Variants in AGAP1 observed in about 807,000 individuals in gnomAD.
The protein encoded by AGAP1 is ArfGAP with GTPase domain, ankyrin repeat and PH domain 1.
In AGAP1, 29 loss-of-function variants were observed where a neutral mutation model predicts 105.3. The ratio of observed to expected loss-of-function variants is 0.28; its 90% CI spans 0.21 to 0.38. The LOEUF (loss-of-function observed/expected upper bound fraction) is 0.38. Among genes scored for constraint, AGAP1 ranks in the 10% least tolerant of loss-of-function variants. The pLI is 1.00. For missense variants in AGAP1, 998 were observed against 1,165.1 expected (o/e 0.86, Z 2.09); for synonymous variants, 509 against 485.9 (o/e 1.05, Z -0.63).
In AGAP1 at chr2:235,740,732, C is replaced by T. The variant is rs1346545527; in HGVS notation, c.311-231C>T. ...AATTGGCCACGAGTGTCTGGCATTG[C>T]GAAGGAAGCTGTGCCTTCCAACTGG... On this transcript the variant is annotated intron_variant, in intron 3 of 17. Coordinates refer to ENST00000304032, the MANE Select transcript of AGAP1 (RefSeq NM_001037131.3). The surrounding 1 kb of genome is among the most constrained non-coding windows in gnomAD (Gnocchi z 5.7). Among the ~76,000 whole-genome samples, 2 of 152,238 alleles carry T rather than the reference C, an allele frequency of 1.3e-5. No individual in the cohort carries two copies. The highest frequency in any genetic ancestry group is 6.5e-5 in the Admixed American group (1 of 15,290).
At chr2:235,707,399 C>T (rs575903749) in intron 1 of AGAP1, among the ~76,000 whole-genome samples, 23 of 149,006 alleles carry the variant, frequency 1.5e-4, no homozygotes, top group South Asian at 1.3e-3. Context: ...TCTCACTCGG[C>T]ATCGGGAGAC....
rs146496658 is a variant in AGAP1, at chr2:235,577,683, C to G, written c.163+82834C>G. Among the ~76,000 whole-genome samples the G allele has an allele frequency of 6.6e-6, 1 of 152,056 alleles. No individual in the cohort carries two copies. Among genetic ancestry groups the G allele is most frequent in the South Asian group, 2.1e-4 (1 of 4,808 alleles). ...CATTCGGAACATTCGCCGAGTGGAA[C>G]GTGTGTGTCGTCATCCCCTCGAAGG... On this transcript the variant is annotated intron_variant, in intron 1 of 17. Coordinates refer to ENST00000304032, the MANE Select transcript of AGAP1 (RefSeq NM_001037131.3). The surrounding 1 kb of genome is among the most constrained non-coding windows in gnomAD (Gnocchi z 4.5).
Position 235,875,667 on chromosome 2 carries a change from C to T in AGAP1, c.1051-7678C>T, listed in dbSNP as rs886113511. On this transcript the variant is annotated intron_variant, in intron 9 of 17. Transcript: ENST00000304032. This position sits in a 1 kb window ranked among gnomAD's most constrained non-coding sequence, Gnocchi z 4.0. ...CGGGAGTGTGTGGTCTCCTGTTTCC[C>T]ATCTGCATTTGCTTATGGGGCGCCA... Among the ~76,000 whole-genome samples, 5 of 152,136 alleles carry T rather than the reference C, an allele frequency of 3.3e-5. No individual in the cohort carries two copies. The highest frequency in any genetic ancestry group is 1.3e-4 in the Admixed American group (2 of 15,278).
chr2:235,849,367 T>C (rs1285368711), intron 9 of AGAP1, among the ~76,000 whole-genome samples: 2 of 152,354 alleles, frequency 1.3e-5, no homozygotes, highest in African/African-American at 2.4e-5. Context: ...ACTGGTTTTT[T>C]TGTGAATGTC....
chr2:236,022,793 C>T (rs1194006508), intron 13 of AGAP1, among the ~76,000 whole-genome samples: 1 of 152,192 alleles, frequency 6.6e-6, no homozygotes, highest in Non-Finnish European at 1.5e-5. Flanking sequence ...CACCCCAGGC[C>T]TCTGAAACTG....
Position 235,792,635 on chromosome 2 carries a change from T to C in AGAP1, c.674-5124T>C, listed in dbSNP as rs567213701. ...GTGAAGACGAATTTCTGAGAAACTC[T>C]GGTGGTTGAACCAATCATCTGTTAG... is the stretch of plus-strand genomic sequence containing the variant. On this transcript the variant is annotated intron_variant, in intron 6 of 17. Transcript: ENST00000304032. This position sits in a 1 kb window ranked among gnomAD's most constrained non-coding sequence, Gnocchi z 5.3. Among the ~76,000 whole-genome samples, 7 of 152,332 alleles carry C rather than the reference T, an allele frequency of 4.6e-5. No homozygotes were observed. Among genetic ancestry groups the C allele is most frequent in the African/African-American group, 1.7e-4 (7 of 41,572 alleles).
intron 13 of AGAP1, among the ~76,000 whole-genome samples, chr2:236,023,703 A>G (rs903462403): frequency 6.6e-6 from 1 of 152,064 alleles, no homozygotes; most frequent in Admixed American, 6.6e-5. Flanking sequence ...TACAGCAAAC[A>G]TGCCCGTCCC....
chr2:235,497,278 G>T (rs1941358006), intron 1 of AGAP1, among the ~76,000 whole-genome samples: 1 of 152,190 alleles, frequency 6.6e-6, no homozygotes, highest in African/African-American at 2.4e-5. Flanking sequence ...TCTCCACACT[G>T]CATGTGGATG....
At chr2:235,772,132 T>G (rs1048013453) in intron 6 of AGAP1, among the ~76,000 whole-genome samples, 4 of 151,394 alleles carry the variant, frequency 2.6e-5, no homozygotes, top group Admixed American at 6.6e-5. Flanking sequence ...GTAGCTGAGA[T>G]TACATTAATT....
intron 1 of AGAP1, among the ~76,000 whole-genome samples, chr2:235,591,413 C>T (rs987852243): frequency 5.6e-4 from 85 of 152,242 alleles, no homozygotes; most frequent in African/African-American, 1.9e-3. Context: ...TGGTGTGAAA[C>T]GCAGTGGCCC....
chr2:235,738,821 G>A (rs981892489), intron 3 of AGAP1, among the ~76,000 whole-genome samples: 15 of 152,238 alleles, frequency 9.9e-5, no homozygotes, highest in Middle Eastern at 3.4e-3. Flanking sequence ...GCCTCCCAAA[G>A]TGTTGGGATT....
intron 1 of AGAP1, among the ~76,000 whole-genome samples, chr2:235,520,321 C>T (rs1436137322): frequency 6.6e-6 from 1 of 152,182 alleles, no homozygotes; most frequent in Non-Finnish European, 1.5e-5. Context: ...ATACTGTGTG[C>T]ACGTTGCAGT....
intron 16 of AGAP1, among the ~76,000 whole-genome samples, chr2:236,098,620 C>CTTTTTGTTTTTTTTTTTTT (rs1323650327): frequency 8.7e-6 from 1 of 115,256 alleles, no homozygotes; most frequent in African/African-American, 3.9e-5. Flanking sequence ...TCTTTTTTTC[C>CTTTTTGTTTTTTTTTTTTT]TTTTTTTTTT....
chr2:235,495,198 C>T (rs1941262983), intron 1 of AGAP1, among the ~76,000 whole-genome samples: 1 of 152,164 alleles, frequency 6.6e-6, no homozygotes, highest in African/African-American at 2.4e-5. Flanking sequence ...CCACCCGACC[C>T]CTGACAGGTT....
intron 3 of AGAP1, among the ~76,000 whole-genome samples, chr2:235,726,365 A>G (rs1951645573): frequency 6.6e-6 from 1 of 152,218 alleles, no homozygotes; most frequent in Admixed American, 6.5e-5. Flanking sequence ...ACCTCACGGC[A>G]TCAGATATTT....
chr2:235,949,554 C>G (rs896380391), intron 12 of AGAP1, among the ~76,000 whole-genome samples: 1 of 152,146 alleles, frequency 6.6e-6, no homozygotes, highest in Non-Finnish European at 1.5e-5. Context: ...TTAAATCCCT[C>G]GAACACCCAA....
intron 12 of AGAP1, among the ~76,000 whole-genome samples, chr2:235,945,251 C>T (rs974180332): frequency 3.3e-5 from 5 of 152,168 alleles, no homozygotes; most frequent in Admixed American, 3.3e-4. Flanking sequence ...CAGGTGCCCG[C>T]CACCGCGCCC....
intron 1 of AGAP1, among the ~76,000 whole-genome samples, chr2:235,657,562 G>A (rs184881197): frequency 6.6e-6 from 1 of 152,200 alleles, no homozygotes; most frequent in Non-Finnish European, 1.5e-5. Context: ...ATATTTTTTA[G>A]TAGAGATGGG....
chr2:235,575,472 T>C (rs1291270195), intron 1 of AGAP1, among the ~76,000 whole-genome samples: 3 of 152,260 alleles, frequency 2.0e-5, no homozygotes, highest in African/African-American at 7.2e-5. Context: ...TGGGAAAAGC[T>C]GAGCCGAGGA....
Sources: gnomAD v4.1 joint callset for allele counts (sites outside exome capture counted in the v4.1 genomes callset) on GRCh38, gnomAD v4.1.1 for gene constraint, Gnocchi (gnomAD v3.1) non-coding constraint, MANE v1.5 for transcripts, NCBI Gene and HGNC (gene_info 2026-07-23, HGNC 2026-07-21) for gene names.